Variants in TGM3 observed in about 807,000 individuals in gnomAD.
TGM3 encodes protein-glutamine gamma-glutamyltransferase E.
TGM3 carries 52 observed loss-of-function variants against 73.8 expected under a neutral mutation model. The observed-to-expected ratio is 0.70, with a 90% confidence interval of 0.56 to 0.89. TGM3 has a LOEUF of 0.89. Ranked by LOEUF, TGM3 falls within the 40% of genes least tolerant of loss-of-function variation. The pLI is 0.00. For synonymous variants in TGM3, 372 were observed against 354.9 expected, an observed-to-expected ratio of 1.05 and a Z score of -0.54; for missense variants, 928 against 909.9, an observed-to-expected ratio of 1.02 and a Z score of -0.26.
At chr20:2,314,687 C>G (rs2084224343) in intron 5 of TGM3, among the ~76,000 whole-genome samples, 1 of 152,070 alleles carries the variant, frequency 6.6e-6, no homozygotes, top group Admixed American at 6.5e-5. Context: ...CGCCACTGCA[C>G]TTCAGCCTGG....
In TGM3 at chr20:2,311,001, T is replaced by C; in HGVS notation, c.422-10T>C. On this transcript the variant is annotated splice_polypyrimidine_tract_variant and intron_variant, in intron 3 of 12. Transcript: ENST00000381458. Reference sequence around the variant, plus strand: ...TCTAGTCGCTGGTGTCTGCTTTTTGTATCAAATAGTGGATAGCGTCTTTAT... The same window carrying C: ...TCTAGTCGCTGGTGTCTGCTTTTTGCATCAAATAGTGGATAGCGTCTTTAT... 1.9e-6 allele frequency: 3 copies of C among 1,610,674 alleles called. No individual in the cohort carries two copies. The highest frequency in any genetic ancestry group is 1.7e-6 in the Non-Finnish European group (2 of 1,176,852).
chr20:2,313,375 C>G (rs1168097967), intron 5 of TGM3, among the ~76,000 whole-genome samples: 1 of 152,222 alleles, frequency 6.6e-6, no homozygotes. Context: ...TCTGCTCCAT[C>G]ATTGGGCCTC....
At chr20:2,331,941 T>A in intron 9 of TGM3, 61 bp from the exon 10 acceptor site, 1 of 1,548,446 alleles carries the variant, frequency 6.5e-7, no homozygotes. Flanking sequence ...GGCAGGGTAC[T>A]GTCCTTTGCC....
intron 1 of TGM3, among the ~76,000 whole-genome samples, chr20:2,306,348 A>G (rs6036088): frequency 0.038 from 2,507 of 65,970 alleles, 78 homozygotes; most frequent in African/African-American, 0.073. Context: ...GGTGGGGTGA[A>G]AAATCTCTAA....
intron 1 of TGM3, among the ~76,000 whole-genome samples, chr20:2,300,096 G>C (rs1054725983): frequency 2.1e-5 from 2 of 94,090 alleles, no homozygotes; most frequent in African/African-American, 6.1e-5. Context: ...AACAGAGAGA[G>C]ACTCCATTTA....
chr20:2,316,948 T>C, intron 5 of TGM3, 120 bp from the exon 6 acceptor site: 1 of 1,187,940 alleles, frequency 8.4e-7, no homozygotes, highest in Admixed American at 2.0e-5. Context: ...AAAGAAAAGT[T>C]CAATCATGGC....
chr20:2,329,064 C>T (rs888829577), intron 9 of TGM3, among the ~76,000 whole-genome samples: 5 of 152,218 alleles, frequency 3.3e-5, no homozygotes, highest in African/African-American at 1.2e-4. Context: ...CATTTGAAGA[C>T]AAAGTTCATT....
In TGM3 at chr20:2,328,169, T is replaced by C; in HGVS notation, c.1137T>C (p.Asp379=). The C allele has an allele frequency of 1.2e-6, 2 of 1,614,146 alleles. No individual in the cohort carries two copies. Among genetic ancestry groups the C allele is most frequent in the South Asian group, 1.1e-5 (1 of 91,070 alleles). The stretch of plus-strand genomic sequence containing the variant: ...CGGTCATTGGTGTTCGAGAGGGTGA[T>C]GTGCAGCTGAACTTCGACATGCCCT... ...PASVIGVREG[D]VQLNFDMPFI... is the part of the protein sequence containing the mutation. Residue 379 remains aspartate, a synonymous_variant, in exon 9 of 13, where the codon GAT becomes GAC. Transcript: ENST00000381458. The surrounding 1 kb of genome is among the most constrained non-coding windows in gnomAD (Gnocchi z 5.2).
chr20:2,339,182 GAA>G (rs1324582787), intron 11 of TGM3, among the ~76,000 whole-genome samples: 1 of 152,192 alleles, frequency 6.6e-6, no homozygotes, highest in Non-Finnish European at 1.5e-5. Flanking sequence ...CCAACCCCTG[GAA>G]AAAGAGTTAA....
chr20:2,298,019 ACT>A (rs759675821), intron 1 of TGM3, among the ~76,000 whole-genome samples: 3 of 88,434 alleles, frequency 3.4e-5, no homozygotes, highest in Admixed American at 1.4e-4. Context: ...GATAGGGAAG[ACT>A]CTGAAAAATG....
intron 5 of TGM3, among the ~76,000 whole-genome samples, chr20:2,313,229 T>C (rs1600696918): frequency 6.6e-6 from 1 of 152,354 alleles, no homozygotes; most frequent in African/African-American, 2.4e-5. Context: ...ACAGTGAGTA[T>C]GTGGCAGAAG....
chr20:2,297,568 A>T (rs1206862092), intron 1 of TGM3, among the ~76,000 whole-genome samples: 1 of 152,222 alleles, frequency 6.6e-6, no homozygotes, highest in Admixed American at 6.5e-5. Context: ...GCCCGCTGTG[A>T]GGCATGATTA....
At position 2,339,840 on chromosome 20, in the gene TGM3, C is replaced by G. The variant is rs1219147570; in HGVS notation, c.1801-14C>G. On this transcript the variant is annotated splice_polypyrimidine_tract_variant and intron_variant, in intron 11 of 12. Transcript: ENST00000381458. ...CAGCTGGAGTCCTGACTCGGCAGCC[C>G]CTCTCCCCCATAGGTGCTGAACGAG... is the stretch of plus-strand genomic sequence containing the variant. 6.2e-7 allele frequency: 1 copy of G among 1,613,874 alleles called. No individual in the cohort carries two copies. The highest frequency in any genetic ancestry group is 2.2e-5 in the East Asian group (1 of 44,870).
intron 11 of TGM3, among the ~76,000 whole-genome samples, chr20:2,337,898 G>A (rs976078212): frequency 6.6e-6 from 1 of 152,136 alleles, no homozygotes; most frequent in African/African-American, 2.4e-5. Flanking sequence ...AAGGAAATCA[G>A]AATATATAAG....
Position 2,306,622 on chromosome 20 carries a change from G to A in TGM3, c.8-3035G>A, listed in dbSNP as rs142278891. Among the ~76,000 whole-genome samples the A allele has an allele frequency of 7.0e-4, 107 of 151,942 alleles. 1 individual carries two copies. Among genetic ancestry groups the A allele is most frequent in the African/African-American group, 2.2e-3 (91 of 41,464 alleles). On this transcript the variant is annotated intron_variant, in intron 1 of 12. Coordinates refer to ENST00000381458, the MANE Select transcript of TGM3 (RefSeq NM_003245.4). The stretch of plus-strand genomic sequence containing the variant: ...CTCCTGAGTAGCTGGGATTACAGGC[G>A]TGCGCCACCATGCCAGGCTAATTTT...
chr20:2,326,481 T>C (rs2084288700), intron 8 of TGM3, among the ~76,000 whole-genome samples: 1 of 152,240 alleles, frequency 6.6e-6, no homozygotes, highest in Non-Finnish European at 1.5e-5. Flanking sequence ...GAGCCTTTCC[T>C]CTTCCCTTCT....
intron 11 of TGM3, among the ~76,000 whole-genome samples, chr20:2,339,516 G>A (rs925374212): frequency 2.6e-5 from 4 of 152,186 alleles, no homozygotes; most frequent in Non-Finnish European, 4.4e-5. Context: ...CCCTCACAGA[G>A]CCCACAGTGG....
intron 3 of TGM3, 120 bp from the exon 4 acceptor site, chr20:2,310,891 G>A (rs2084199992): frequency 6.2e-6 from 5 of 810,182 alleles, no homozygotes; most frequent in East Asian, 2.5e-5. Flanking sequence ...GTCAGGGGAG[G>A]GCTAAAGGTG....
At chr20:2,316,932 A>G in intron 5 of TGM3, 136 bp from the exon 6 acceptor site, 1 of 1,026,302 alleles carries the variant, frequency 9.7e-7, no homozygotes, top group Non-Finnish European at 1.5e-6. Context: ...AGTCACCTAG[A>G]AAGACAAAGA....
Sources: allele counts gnomAD v4.1 joint callset (sites outside exome capture counted in the v4.1 genomes callset), GRCh38; gene constraint gnomAD v4.1.1; non-coding constraint Gnocchi (gnomAD v3.1); transcripts MANE v1.5; gene names NCBI Gene and HGNC (gene_info 2026-07-23, HGNC 2026-07-21).